Variants in SYT1 observed in about 807,000 individuals in gnomAD.
The protein encoded by SYT1 is synaptotagmin 1, also known as synaptotagmin-1.
SYT1 carries 8 observed loss-of-function variants against 44.8 expected under a neutral mutation model. That is an observed-to-expected ratio of 0.18 (90% confidence interval 0.10 to 0.32). SYT1 has a LOEUF of 0.32. Ranked by LOEUF, SYT1 falls within the 10% of genes least tolerant of loss-of-function variation. SYT1 has a pLI of 1.00. For synonymous variants in SYT1, 154 were observed against 188.8 expected, an observed-to-expected ratio of 0.82 and a Z score of 1.51; for missense variants, 286 against 509.3, an observed-to-expected ratio of 0.56 and a Z score of 4.22.
chr12:79,366,608 A>G (rs10861941), intron 9 of SYT1, among the ~76,000 whole-genome samples: 44,681 of 152,112 alleles, frequency 0.29, 7,135 homozygotes, highest in East Asian at 0.57. Flanking sequence ...GAGAGACAGC[A>G]GGGCGCAGCA....
intron 3 of SYT1, among the ~76,000 whole-genome samples, chr12:79,144,966 T>G (rs1869785763): frequency 6.6e-6 from 1 of 152,144 alleles, no homozygotes; most frequent in Non-Finnish European, 1.5e-5. Context: ...GGACAATTTG[T>G]TTTTTTCCTA....
chr12:79,256,058 TA>T (rs1217368088), intron 4 of SYT1, among the ~76,000 whole-genome samples: 1 of 152,210 alleles, frequency 6.6e-6, no homozygotes, highest in Non-Finnish European at 1.5e-5. Context: ...TTACGTGTTC[TA>T]AGGTGAGAGA....
chr12:79,020,246 A>G lies in SYT1; in HGVS notation c.-83-27051A>G, dbSNP rs575297631. The stretch of plus-strand genomic sequence containing the variant: ...CAACATTTATTTTTTATCTCCCTAA[A>G]TCAGTTTAACCAGCAGCATGTTGCG... On this transcript the variant is annotated intron_variant, in intron 2 of 10. Coordinates refer to ENST00000261205, the MANE Select transcript of SYT1 (RefSeq NM_005639.3). 9.2e-5 allele frequency among the ~76,000 whole-genome samples: 14 copies of G among 152,020 alleles called. No individual in the cohort carries two copies. In the South Asian group the frequency reaches 2.5e-3, roughly 27 times the overall value.
rs576091986 is a variant in SYT1 at position 79,352,135 on chromosome 12, T to C, written c.811-1367T>C. 1.4e-3 allele frequency among the ~76,000 whole-genome samples: 211 copies of C among 151,802 alleles called. 1 individual carries two copies. The highest frequency in any genetic ancestry group is 4.8e-3 in the African/African-American group (199 of 41,398). The stretch of plus-strand genomic sequence containing the variant: ...ACACATTGAATGTATTACCTCTCAA[T>C]TATAGAAAAATTACAATCTTTCTCT... On this transcript the variant is annotated intron_variant, in intron 8 of 10. Coordinates refer to ENST00000261205, the MANE Select transcript of SYT1 (RefSeq NM_005639.3).
At chr12:79,109,564 T>A (rs1878901679) in intron 3 of SYT1, among the ~76,000 whole-genome samples, 1 of 152,186 alleles carries the variant, frequency 6.6e-6, no homozygotes, top group East Asian at 1.9e-4. Flanking sequence ...TACTTGGCAA[T>A]GTTGTGAAAC....
intron 9 of SYT1, among the ~76,000 whole-genome samples, chr12:79,371,003 T>A (rs866388885): frequency 2.0e-5 from 3 of 152,134 alleles, no homozygotes; most frequent in African/African-American, 7.2e-5. Context: ...ATTTTTTCCT[T>A]AAGATAATAC....
intron 8 of SYT1, among the ~76,000 whole-genome samples, chr12:79,308,303 T>A (rs1432239029): frequency 6.6e-6 from 1 of 151,838 alleles, no homozygotes; most frequent in Non-Finnish European, 1.5e-5. Flanking sequence ...GACGGGAGAA[T>A]CACCTGAGGT....
intron 1 of SYT1, among the ~76,000 whole-genome samples, chr12:78,933,431 C>A (rs1044085378): frequency 3.9e-5 from 6 of 152,064 alleles, no homozygotes; most frequent in African/African-American, 1.4e-4. Flanking sequence ...AAGAGTAACC[C>A]AGGAAAATCA....
At chr12:79,181,428 A>G (rs1396183371) in intron 3 of SYT1, among the ~76,000 whole-genome samples, 5 of 152,068 alleles carry the variant, frequency 3.3e-5, no homozygotes, top group Non-Finnish European at 7.4e-5. Flanking sequence ...GATTGAATGC[A>G]TATCACATTG....
intron 4 of SYT1, among the ~76,000 whole-genome samples, chr12:79,280,037 G>T (rs769694199): frequency 1.7e-4 from 26 of 151,770 alleles, no homozygotes; most frequent in Non-Finnish European, 2.9e-4. Context: ...TGGATTAAAA[G>T]AATCAATATT....
chr12:79,067,633 G>C (rs1410656235), intron 3 of SYT1, among the ~76,000 whole-genome samples: 5 of 152,324 alleles, frequency 3.3e-5, no homozygotes, highest in Non-Finnish European at 7.3e-5. Context: ...CAAGCAATTA[G>C]TTTGTAAGGA....
intron 3 of SYT1, among the ~76,000 whole-genome samples, chr12:79,126,239 T>G (rs1049353789): frequency 4.6e-5 from 7 of 151,954 alleles, no homozygotes; most frequent in Non-Finnish European, 8.8e-5. Context: ...ATAAAAGTGG[T>G]TTTTGTTTTG....
Position 79,183,493 on chromosome 12 carries a change from C to G in SYT1, c.-17-34010C>G, listed in dbSNP as rs559659958. The stretch of plus-strand genomic sequence containing the variant: ...ATGCTGCTAAACATCCCACAATGCA[C>G]AGGAGAGCTACCCCCAACCACCAAA... On this transcript the variant is annotated intron_variant, in intron 3 of 10. Transcript: ENST00000261205. 1.6e-4 allele frequency among the ~76,000 whole-genome samples: 24 copies of G among 152,098 alleles called. 1 individual carries two copies. In the South Asian group the frequency reaches 4.8e-3, roughly 30 times the overall value.
intron 8 of SYT1, among the ~76,000 whole-genome samples, chr12:79,313,818 T>A (rs1662490329): frequency 6.6e-6 from 1 of 151,964 alleles, no homozygotes; most frequent in African/African-American, 2.4e-5. Flanking sequence ...ACACTCTAAA[T>A]GAGATAATTA....
chr12:79,135,012 T>C (rs1354132533), intron 3 of SYT1, among the ~76,000 whole-genome samples: 1 of 142,160 alleles, frequency 7.0e-6, no homozygotes, highest in Non-Finnish European at 1.5e-5. Flanking sequence ...CACACACAAA[T>C]GGTAACAATG....
At chr12:79,414,814 G>C (rs558850239) in intron 9 of SYT1, among the ~76,000 whole-genome samples, 1 of 152,254 alleles carries the variant, frequency 6.6e-6, no homozygotes, top group African/African-American at 2.4e-5. Flanking sequence ...CAGGCTCCTG[G>C]GAGGAGGTGA....
intron 3 of SYT1, among the ~76,000 whole-genome samples, chr12:79,076,117 A>T (rs919236042): frequency 5.3e-5 from 8 of 152,142 alleles, no homozygotes; most frequent in Non-Finnish European, 1.2e-4. Context: ...GCTAAGTTTG[A>T]TGAAGAAGTG....
intron 3 of SYT1, among the ~76,000 whole-genome samples, chr12:79,093,742 C>A (rs1877933606): frequency 6.6e-6 from 1 of 151,600 alleles, no homozygotes; most frequent in African/African-American, 2.4e-5. Context: ...TTATGCCTTC[C>A]TTATAACTTT....
intron 1 of SYT1, among the ~76,000 whole-genome samples, chr12:78,920,921 C>CTA (rs1211004614): frequency 4.1e-4 from 63 of 151,880 alleles, no homozygotes; most frequent in African/African-American, 1.4e-3. Context: ...TACTAAGATC[C>CTA]AGTCCTCAGC....
Sources: allele counts gnomAD v4.1 joint callset (sites outside exome capture counted in the v4.1 genomes callset), GRCh38; gene constraint gnomAD v4.1.1; transcripts MANE v1.5; gene names NCBI Gene and HGNC (gene_info 2026-07-23, HGNC 2026-07-21).